The following MSH3 variants were observed in gnomAD, a reference collection of about 807,000 sequenced individuals.
The protein encoded by MSH3 is DNA mismatch repair protein Msh3.
In MSH3, 106 loss-of-function variants were observed where a neutral mutation model predicts 123.3. That is an observed-to-expected ratio of 0.86 (90% CI 0.73 to 1.01). The LOEUF is 1.01. Among genes scored for constraint, MSH3 ranks in the 50% least tolerant of loss-of-function variants. MSH3 has a pLI of 0.00. For synonymous variants in MSH3, 515 were observed against 481.4 expected, an observed-to-expected ratio of 1.07 and a Z score of -0.91; for missense variants, 1,459 against 1,347.6, an observed-to-expected ratio of 1.08 and a Z score of -1.29.
At chr5:80,739,993 T>C (rs773209865) in intron 10 of MSH3, among the ~76,000 whole-genome samples, 1 of 152,354 alleles carries the variant, frequency 6.6e-6, no homozygotes, top group East Asian at 1.9e-4. Context: ...CAAACACTTA[T>C]GCCTTTCTTT....
rs958499962 is a variant in MSH3, at chr5:80,775,825, G to A, written c.2318+67G>A. ...GACATCTGTATATCTATGTGCTACT[G>A]GGCTCATCGTAGCCACATTCTTGAA... On this transcript the variant is annotated intron_variant, in intron 16 of 23. Transcript: ENST00000265081. 6 of 845,206 alleles carry A rather than the reference G, an allele frequency of 7.1e-6. No individual in the cohort carries two copies. In the African/African-American group the frequency reaches 8.4e-5, roughly 12 times the overall value. 52.4% of individuals were successfully genotyped at this position (845,206 alleles called of 1,614,324 possible). A position where few individuals can be genotyped will look rare whatever the true frequency, so the allele number is the denominator to read the frequency against.
chr5:80,660,271 T>C (rs186507531), intron 2 of MSH3, among the ~76,000 whole-genome samples: 6 of 151,964 alleles, frequency 3.9e-5, no homozygotes, highest in Non-Finnish European at 7.4e-5. Flanking sequence ...ACTTCTTACA[T>C]GGCGGTGGCA....
At chr5:80,805,324 G>T (rs1275889273) in intron 19 of MSH3, among the ~76,000 whole-genome samples, 1 of 152,002 alleles carries the variant, frequency 6.6e-6, no homozygotes, top group Non-Finnish European at 1.5e-5. Context: ...ATTTTAGAAG[G>T]GGTGGTGGAA....
chr5:80,695,087 G>GTTTTTTTTTTTTTT (rs57947652), intron 8 of MSH3, among the ~76,000 whole-genome samples: 8 of 115,316 alleles, frequency 6.9e-5, no homozygotes, highest in Non-Finnish European at 1.1e-4. Flanking sequence ...TTTTTTTGTT[G>GTTTTTTTTTTTTTT]TTTTTTTTTT....
At chr5:80,669,107 G>A (rs1004586771) in intron 3 of MSH3, among the ~76,000 whole-genome samples, 4 of 152,168 alleles carry the variant, frequency 2.6e-5, no homozygotes, top group Admixed American at 1.3e-4. Flanking sequence ...GGACTGCACT[G>A]TTCAAATAAA....
rs1430532080 is a variant in MSH3, at chr5:80,672,319, C to T, written c.868C>T (p.Leu290=). Residue 290 remains leucine, a synonymous_variant, in exon 5 of 24, where the codon CTG becomes TTG. Coordinates refer to ENST00000265081, the MANE Select transcript of MSH3 (RefSeq NM_002439.5). ...GACAGCAAGTATACCTACTCACAGA[C>T]TGTTTGTTCATGTACGCCGCCTGGT... ...FMTASIPTHR[L]FVHVRRLVAK... is the part of the protein sequence containing the mutation. 3 of 1,613,898 alleles carry T rather than the reference C, an allele frequency of 1.9e-6. No individual in the cohort carries two copies. Among genetic ancestry groups the T allele is most frequent in the African/African-American group, 2.7e-5 (2 of 74,910 alleles).
At chr5:80,851,000 T>G (rs529830809) in intron 20 of MSH3, among the ~76,000 whole-genome samples, 28 of 152,194 alleles carry the variant, frequency 1.8e-4, no homozygotes, top group Non-Finnish European at 3.8e-4. Flanking sequence ...GTGACCTCAT[T>G]TTTTAACATT....
At chr5:80,828,105 G>C (rs1332590126) in intron 20 of MSH3, among the ~76,000 whole-genome samples, 5 of 152,112 alleles carry the variant, frequency 3.3e-5, no homozygotes, top group African/African-American at 1.2e-4. Flanking sequence ...GGGCTCATTG[G>C]GTAATTGATA....
At chr5:80,700,359 C>T (rs933926925) in intron 8 of MSH3, among the ~76,000 whole-genome samples, 2 of 151,914 alleles carry the variant, frequency 1.3e-5, no homozygotes, top group African/African-American at 2.4e-5. Context: ...CCAGTCTGGG[C>T]GACAGAACAA....
chr5:80,665,337 G>C lies in MSH3; in HGVS notation c.553G>C (p.Asp185His), dbSNP rs746425286. 4.5e-5 allele frequency: 73 copies of C among 1,612,608 alleles called. No individual in the cohort carries two copies. Among genetic ancestry groups the C allele is most frequent in the Non-Finnish European group, 6.1e-5 (72 of 1,179,864 alleles). The change falls in exon 3 of 24, where the codon GAT becomes CAT. Residue 185 changes from aspartate (D) to histidine (H), a missense_variant. Coordinates refer to ENST00000265081, the MANE Select transcript of MSH3 (RefSeq NM_002439.5). ...CGCAAAGAATGCAGTTTCTTCTGAA[G>C]ATTCGAAACGTCAAATTAATCAAAA... ...LHAKNAVSSE[D>H]SKRQINQKDT...
At chr5:80,817,086 G>C (rs1745116953) in intron 20 of MSH3, among the ~76,000 whole-genome samples, 1 of 152,182 alleles carries the variant, frequency 6.6e-6, no homozygotes, top group Non-Finnish European at 1.5e-5. Context: ...AATGTTCTGA[G>C]ACTGAACCTT....
rs2112054481 is a variant in MSH3 at position 80,813,698 on chromosome 5, G to A, written c.2770G>A (p.Ala924Thr). The part of the protein sequence containing the change: ...IMAQIGSYVP[A>T]EEATIGIVDG... Reference sequence around the variant, plus strand: ...GGCTCAGATTGGCTCCTATGTTCCTGCAGAAGAAGCGACAATTGGGATTGT... The same window carrying A: ...GGCTCAGATTGGCTCCTATGTTCCTACAGAAGAAGCGACAATTGGGATTGT... The change falls in exon 20 of 24, where the codon GCA (alanine) becomes ACA (threonine). Residue 924 changes from alanine (A) to threonine (T), a missense_variant. Physicochemically the swap from Ala to Thr is moderately conservative, Grantham distance 58. Transcript: ENST00000265081. 1 of 1,614,146 alleles carries A rather than the reference G, an allele frequency of 6.2e-7. No individual in the cohort carries two copies. Among genetic ancestry groups the A allele is most frequent in the Non-Finnish European group, 8.5e-7 (1 of 1,180,022 alleles).
chr5:80,754,453 C>A (rs1743888334), intron 12 of MSH3, among the ~76,000 whole-genome samples: 1 of 152,186 alleles, frequency 6.6e-6, no homozygotes, highest in African/African-American at 2.4e-5. Flanking sequence ...CAGGGAATTT[C>A]TAATCTAATC....
At chr5:80,655,051 C>T (rs545240269) in intron 1 of MSH3, 87 bp downstream of exon 1, 16 of 757,044 alleles carry the variant, frequency 2.1e-5, no homozygotes, top group Middle Eastern at 4.0e-4. Flanking sequence ...GGACCCTCCG[C>T]CCGATGATAG....
rs1744235531 is a variant in MSH3, at chr5:80,772,856, G to A, written c.2254-2838G>A. Among the ~76,000 whole-genome samples the A allele has an allele frequency of 2.0e-5, 3 of 152,194 alleles. No individual in the cohort carries two copies. In the South Asian group the frequency reaches 6.2e-4, roughly 31 times the overall value. ...GCTGAAACTCTGAGGATTGCTGAGT[G>A]AGGAAAAGGGACCCTCAGGATCAGT... On this transcript the variant is annotated intron_variant, in intron 15 of 23. Coordinates refer to ENST00000265081, the MANE Select transcript of MSH3 (RefSeq NM_002439.5).
rs1361574423 is a variant in MSH3 at position 80,873,286 on chromosome 5, A to C, written c.3301A>C (p.Arg1101=). The part of the protein sequence containing the change: ...KELEGLINTK[R]KRLKYFAKLW... The stretch of plus-strand genomic sequence containing the variant: ...GCTGGAAGGATTAATAAATACGAAA[A>C]GGTCAGAGTGATTATGCTGCATTTT... Residue 1101 remains arginine, a splice_region_variant and synonymous_variant, in exon 23 of 24, where the codon AGA becomes CGA. Transcript: ENST00000265081. The C allele has an allele frequency of 6.2e-7, 1 of 1,613,860 alleles. No individual in the cohort carries two copies.
chr5:80,665,891 T>C (rs1460910590), intron 3 of MSH3, among the ~76,000 whole-genome samples: 1 of 152,202 alleles, frequency 6.6e-6, no homozygotes, highest in South Asian at 2.1e-4. Context: ...TGCTCCATCA[T>C]TGAAATCTGT....
intron 8 of MSH3, among the ~76,000 whole-genome samples, chr5:80,690,061 T>A (rs891138900): frequency 6.6e-6 from 1 of 152,052 alleles, no homozygotes; most frequent in Non-Finnish European, 1.5e-5. Flanking sequence ...TACTCAGGCA[T>A]GCACCACCCC....
chr5:80,693,591 A>ATATATGCACATG (rs1580567277), intron 8 of MSH3, among the ~76,000 whole-genome samples: 13 of 107,368 alleles, frequency 1.2e-4, no homozygotes, highest in East Asian at 7.1e-4. Flanking sequence ...GTATATAAAT[A>ATATATGCACATG]TATATAAACA....
Sources: gnomAD v4.1 joint callset for allele counts (sites outside exome capture counted in the v4.1 genomes callset) on GRCh38, gnomAD v4.1.1 for gene constraint, MANE v1.5 for transcripts, NCBI Gene and HGNC (gene_info 2026-07-23, HGNC 2026-07-21) for gene names.